PTPRE: variants seen among roughly 807,000 people sequenced by gnomAD.
PTPRE encodes receptor-type tyrosine-protein phosphatase epsilon.
A neutral mutation model predicts 102.0 loss-of-function variants in PTPRE; 51 were observed. The observed-to-expected ratio is 0.50, with a 90% CI of 0.40 to 0.63. PTPRE has a LOEUF of 0.63. Ranked by LOEUF, PTPRE falls within the 30% of genes least tolerant of loss-of-function variation. PTPRE has a pLI of 0.00. For synonymous variants in PTPRE, 345 were observed against 348.2 expected (o/e 0.99, Z 0.10); for missense variants, 752 against 915.1 (o/e 0.82, Z 2.30).
At chr10:128,039,435 T>C (rs1564913073) in intron 2 of PTPRE, among the ~76,000 whole-genome samples, 1 of 152,158 alleles carries the variant, frequency 6.6e-6, no homozygotes, top group Non-Finnish European at 1.5e-5. Context: ...ATTATTTGTG[T>C]ATGTGGCTCA....
At chr10:127,921,967 C>G (rs1200560155) in intron 1 of PTPRE, among the ~76,000 whole-genome samples, 1 of 152,178 alleles carries the variant, frequency 6.6e-6, no homozygotes, top group Non-Finnish European at 1.5e-5. Context: ...GAACTTTGCT[C>G]TTGCAGGAAG....
intron 1 of PTPRE, among the ~76,000 whole-genome samples, chr10:127,954,518 G>T (rs148483870): frequency 1.3e-5 from 2 of 152,282 alleles, no homozygotes; most frequent in African/African-American, 4.8e-5. Context: ...TTCTGACCAA[G>T]GAATTCACCC....
chr10:128,048,367 A>G (rs934117192), intron 5 of PTPRE, among the ~76,000 whole-genome samples: 41 of 152,168 alleles, frequency 2.7e-4, no homozygotes, highest in African/African-American at 9.7e-4. Flanking sequence ...ATACATAGAG[A>G]TGAGATGACC....
rs561724830 is a variant in PTPRE, at chr10:128,053,401, C to T, written c.421-2722C>T. ...CTATGAGCAAGCCCCAAGCAAGACACTGCAGGGCTCATCCAGGTGTGCAGA... is the reference window on the plus strand; with the variant it reads ...CTATGAGCAAGCCCCAAGCAAGACATTGCAGGGCTCATCCAGGTGTGCAGA... On this transcript the variant is annotated intron_variant, in intron 6 of 20. Coordinates refer to ENST00000254667, the MANE Select transcript of PTPRE (RefSeq NM_006504.6). 2.6e-5 allele frequency among the ~76,000 whole-genome samples: 4 copies of T among 152,358 alleles called. No homozygotes were observed. In the South Asian group the frequency reaches 8.3e-4, roughly 32 times the overall value.
intron 2 of PTPRE, among the ~76,000 whole-genome samples, chr10:127,995,944 T>C (rs1853219412): frequency 6.6e-6 from 1 of 152,258 alleles, no homozygotes; most frequent in African/African-American, 2.4e-5. Flanking sequence ...GAGGGGGGCT[T>C]TCTTTGAGGG....
At chr10:128,027,457 GC>G (rs1846366804) in intron 2 of PTPRE, among the ~76,000 whole-genome samples, 1 of 152,184 alleles carries the variant, frequency 6.6e-6, no homozygotes, top group African/African-American at 2.4e-5. Context: ...TAAAGGAGGT[GC>G]TTGTCCACTG....
In PTPRE at chr10:128,085,407, C is replaced by A. The variant is rs118147839; in HGVS notation, c.*2501C>A. Reference sequence around the variant, plus strand: ...TGTTGCATGCAGTTGGGTTCAAATGCCAAATAGTGATTAGAAGACGACCAT... The same window carrying A: ...TGTTGCATGCAGTTGGGTTCAAATGACAAATAGTGATTAGAAGACGACCAT... On this transcript the variant is annotated 3_prime_UTR_variant, in exon 21 of 21. Coordinates refer to ENST00000254667, the MANE Select transcript of PTPRE (RefSeq NM_006504.6). The A allele has an allele frequency of 3.1e-3, 655 of 213,180 alleles. 3 individuals carry two copies. Among genetic ancestry groups the A allele is most frequent in the South Asian group, 0.013 (182 of 14,344 alleles). The allele number at this position is 213,180 out of a possible 1,614,324, so 13.2% of individuals were successfully genotyped here. A position where few individuals can be genotyped will look rare whatever the true frequency, so the allele number is the denominator to read the frequency against.
intron 11 of PTPRE, among the ~76,000 whole-genome samples, chr10:128,067,074 C>A (rs1239997493): frequency 6.7e-6 from 1 of 149,348 alleles, no homozygotes; most frequent in Non-Finnish European, 1.5e-5. Flanking sequence ...ACACGTACAC[C>A]CACACACAGG....
chr10:127,924,015 T>C (rs1230724288), intron 1 of PTPRE, among the ~76,000 whole-genome samples: 1 of 152,226 alleles, frequency 6.6e-6, no homozygotes, highest in Non-Finnish European at 1.5e-5. Context: ...GTTTAAATAC[T>C]GTGTCAAGAT....
intron 1 of PTPRE, among the ~76,000 whole-genome samples, chr10:127,909,875 G>A (rs1845749960): frequency 6.6e-6 from 1 of 152,158 alleles, no homozygotes; most frequent in South Asian, 2.1e-4. Context: ...CGATGTGGAT[G>A]GGCATGGTCC....
chr10:127,910,865 C>T (rs572957577), intron 1 of PTPRE, among the ~76,000 whole-genome samples: 2 of 152,002 alleles, frequency 1.3e-5, no homozygotes, highest in Admixed American at 6.6e-5. Context: ...ACGCAGATCA[C>T]TTGAGGCCAG....
intron 1 of PTPRE, among the ~76,000 whole-genome samples, chr10:127,946,829 T>A (rs565591007): frequency 3.6e-4 from 54 of 151,966 alleles, no homozygotes; most frequent in African/African-American, 1.2e-3. Flanking sequence ...AGCCCAGGAG[T>A]TCGAGACCAA....
intron 1 of PTPRE, among the ~76,000 whole-genome samples, chr10:127,911,382 T>C (rs533198850): frequency 9.6e-4 from 146 of 152,322 alleles, no homozygotes; most frequent in Non-Finnish European, 1.9e-3. Flanking sequence ...ACCAGGCTCG[T>C]GGCCTGAATT....
chr10:128,056,285 C>G (rs1172177746), intron 7 of PTPRE, 72 bp downstream of exon 7: 1 of 1,295,134 alleles, frequency 7.7e-7, no homozygotes, highest in African/African-American at 1.5e-5. Context: ...TGCAGCTCCC[C>G]GTGACTGCAG....
chr10:127,954,759 G>A (rs979504832), intron 1 of PTPRE, among the ~76,000 whole-genome samples: 6 of 152,014 alleles, frequency 3.9e-5, no homozygotes, highest in Admixed American at 6.6e-5. Flanking sequence ...TCCTATAGCC[G>A]GGATTCACAG....
intron 1 of PTPRE, among the ~76,000 whole-genome samples, chr10:127,948,599 T>A (rs547461689): frequency 6.6e-6 from 1 of 152,350 alleles, no homozygotes; most frequent in Admixed American, 6.5e-5. Flanking sequence ...GTGGTTGGAA[T>A]CATATAATAT....
In PTPRE at chr10:127,907,546, C is replaced by T. The variant is rs1301067157; in HGVS notation, c.-31+237C>T. On this transcript the variant is annotated intron_variant, in intron 1 of 20. Coordinates refer to ENST00000254667, the MANE Select transcript of PTPRE (RefSeq NM_006504.6). The surrounding 1 kb of genome is among the most constrained non-coding windows in gnomAD (Gnocchi z 4.8). ...CGTCCCCTCACCCGGAGTCCCCAGC[C>T]CAACTTGGCGACCACAGTGGCAGTG... Among the ~76,000 whole-genome samples, 2 of 151,918 alleles carry T rather than the reference C, an allele frequency of 1.3e-5. No individual in the cohort carries two copies. Among genetic ancestry groups the T allele is most frequent in the African/African-American group, 4.8e-5 (2 of 41,388 alleles).
intron 10 of PTPRE, among the ~76,000 whole-genome samples, chr10:128,063,449 C>A (rs1849791492): frequency 6.6e-6 from 1 of 152,182 alleles, no homozygotes; most frequent in East Asian, 1.9e-4. Flanking sequence ...CCCGGCTGGC[C>A]CCATGGCTCT....
At chr10:127,936,152 C>T (rs1222803591) in intron 1 of PTPRE, 5 of 152,222 alleles carry the variant, frequency 3.3e-5, no homozygotes, top group African/African-American at 9.6e-5. Context: ...GGAAGTCACT[C>T]TCCATTTGTA....
Sources: gnomAD v4.1 joint callset for allele counts (sites outside exome capture counted in the v4.1 genomes callset) on GRCh38, gnomAD v4.1.1 for gene constraint, Gnocchi (gnomAD v3.1) non-coding constraint, MANE v1.5 for transcripts, NCBI Gene and HGNC (gene_info 2026-07-23, HGNC 2026-07-21) for gene names.